The following MYT1L variants were observed in gnomAD, a reference collection of about 807,000 sequenced individuals.
MYT1L encodes the protein myelin transcription factor 1 like.
In MYT1L, 12 loss-of-function variants were observed where a neutral mutation model predicts 126.7. That is an observed-to-expected ratio of 0.09 (90% CI 0.06 to 0.15). MYT1L has a LOEUF of 0.15. Ranked by LOEUF, MYT1L falls within the 10% of genes least tolerant of loss-of-function variation. MYT1L has a pLI of 1.00. For synonymous variants in MYT1L, 541 were observed against 604.2 expected, an observed-to-expected ratio of 0.90 and a Z score of 1.53; for missense variants, 979 against 1,585.2, an observed-to-expected ratio of 0.62 and a Z score of 6.49.
intron 5 of MYT1L, among the ~76,000 whole-genome samples, chr2:1,981,187 T>C (rs2060583635): frequency 6.6e-6 from 1 of 152,212 alleles, no homozygotes; most frequent in Non-Finnish European, 1.5e-5. Context: ...CCAGCAGCTA[T>C]TTATTGATGA....
intron 3 of MYT1L, among the ~76,000 whole-genome samples, chr2:2,165,909 A>C (rs921812244): frequency 6.6e-6 from 1 of 151,526 alleles, no homozygotes; most frequent in African/African-American, 2.4e-5. Flanking sequence ...TTGTAAAAAA[A>C]TAAAATCTTT....
Position 2,217,685 on chromosome 2 carries a change from C to CAA in MYT1L, c.-420-44699_-420-44698dup, listed in dbSNP as rs1167910803. Among the ~76,000 whole-genome samples, 19 of 79,652 alleles carry CAA rather than the reference C, an allele frequency of 2.4e-4. 1 individual carries two copies. Among genetic ancestry groups the CAA allele is most frequent in the Middle Eastern group, 6.0e-3 (1 of 168 alleles). The allele number at this position is 79,652 out of a possible 152,430, so 52.3% of individuals were successfully genotyped here. A position where few individuals can be genotyped will look rare whatever the true frequency, so the allele number is the denominator to read the frequency against. On this transcript the variant is annotated intron_variant, in intron 2 of 24. Coordinates refer to ENST00000647738, the MANE Select transcript of MYT1L (RefSeq NM_001303052.2). ...AACTCCATCTCAACAACAACAACAACAACAACAACAACAACAACAACAAAA... is the reference window on the plus strand; with the variant it reads ...AACTCCATCTCAACAACAACAACAACAAAACAACAACAACAACAACAACAAAA...
intron 3 of MYT1L, among the ~76,000 whole-genome samples, chr2:2,149,561 T>C (rs1234665261): frequency 6.6e-6 from 1 of 152,198 alleles, no homozygotes; most frequent in Non-Finnish European, 1.5e-5. Flanking sequence ...GTTCCCTTAC[T>C]CAAAGTCTGT....
At chr2:2,186,699 A>G (rs1559276254) in intron 2 of MYT1L, among the ~76,000 whole-genome samples, 1 of 152,172 alleles carries the variant, frequency 6.6e-6, no homozygotes, top group Non-Finnish European at 1.5e-5. Flanking sequence ...TCTTGACCCA[A>G]TTTTTGCATA....
chr2:1,876,418 G>T (rs1386364119), intron 18 of MYT1L, among the ~76,000 whole-genome samples: 1 of 151,958 alleles, frequency 6.6e-6, no homozygotes, highest in Admixed American at 6.5e-5. Context: ...CAGGCCCCCA[G>T]AGCACCCCCA....
At chr2:2,152,412 T>C (rs183679174) in intron 3 of MYT1L, among the ~76,000 whole-genome samples, 7 of 152,258 alleles carry the variant, frequency 4.6e-5, no homozygotes, top group Admixed American at 4.6e-4. Context: ...CTGTGGTGAG[T>C]AGTTGAAACC....
chr2:2,181,207 C>A (rs1323862711), intron 2 of MYT1L, among the ~76,000 whole-genome samples: 1 of 149,362 alleles, frequency 6.7e-6, no homozygotes, highest in Non-Finnish European at 1.5e-5. Context: ...GTGCCGTGTA[C>A]CTGTGTTTGT....
chr2:1,836,530 C>T lies in MYT1L; in HGVS notation c.3080+2619G>A, dbSNP rs138365686. On this transcript the variant is annotated intron_variant, in intron 21 of 24. Coordinates refer to ENST00000647738, the MANE Select transcript of MYT1L (RefSeq NM_001303052.2). ...CTGCACCCAATATTCCATCAGCCTG[C>T]GCTCCAATATTCCATCAGCCTGTGC... 8.1e-5 allele frequency among the ~76,000 whole-genome samples: 12 copies of T among 147,480 alleles called. No individual in the cohort carries two copies. The South Asian group carries it at 8.9e-4, about 11-fold the overall frequency.
At chr2:1,931,372 A>G (rs1335164276) in intron 9 of MYT1L, among the ~76,000 whole-genome samples, 1 of 150,738 alleles carries the variant, frequency 6.6e-6, no homozygotes, top group African/African-American at 2.5e-5. Flanking sequence ...TACTTCCTCC[A>G]CCCTCAGCGA....
At chr2:1,881,014 C>T (rs191328202) in intron 18 of MYT1L, among the ~76,000 whole-genome samples, 3 of 152,280 alleles carry the variant, frequency 2.0e-5, no homozygotes, top group East Asian at 1.9e-4. Context: ...TAAAGGTTCT[C>T]GATGTGGTGG....
chr2:1,897,747 G>A (rs893440427), intron 14 of MYT1L, among the ~76,000 whole-genome samples: 2 of 152,178 alleles, frequency 1.3e-5, no homozygotes, highest in African/African-American at 4.8e-5. Context: ...ACAGGCATAA[G>A]CCACCACGCC....
At chr2:2,322,500 C>T (rs1233827922) in intron 1 of MYT1L, among the ~76,000 whole-genome samples, 5 of 151,926 alleles carry the variant, frequency 3.3e-5, no homozygotes, top group Admixed American at 6.6e-5. Flanking sequence ...TGTCTTTGCC[C>T]GTGAGCCTGC....
chr2:1,917,442 C>T lies in MYT1L; in HGVS notation c.1484-103G>A. On this transcript the variant is annotated intron_variant, in intron 10 of 24. Transcript: ENST00000647738. The surrounding 1 kb of genome is among the most constrained non-coding windows in gnomAD (Gnocchi z 5.9). ...AACCTTGCTAAAGAAAGAAATAAAGCAGGTGTCGGGGGCTAGGCTGTGACA... is the reference window on the plus strand; with the variant it reads ...AACCTTGCTAAAGAAAGAAATAAAGTAGGTGTCGGGGGCTAGGCTGTGACA... 4 of 1,410,784 alleles carry T rather than the reference C, an allele frequency of 2.8e-6. No homozygotes were observed. Among genetic ancestry groups the T allele is most frequent in the Non-Finnish European group, 2.9e-6 (3 of 1,036,162 alleles). The allele number at this position is 1,410,784 out of a possible 1,614,324, so 87.4% of individuals were successfully genotyped here.
rs1316244826 is a variant in MYT1L at position 1,968,672 on chromosome 2, C to A, written c.152+10493G>T. Among the ~76,000 whole-genome samples, 11 of 152,158 alleles carry A rather than the reference C, an allele frequency of 7.2e-5. 1 individual carries two copies. The highest frequency in any genetic ancestry group is 7.2e-4 in the Admixed American group (11 of 15,276). On this transcript the variant is annotated intron_variant, in intron 8 of 24. Coordinates refer to ENST00000647738, the MANE Select transcript of MYT1L (RefSeq NM_001303052.2). The stretch of plus-strand genomic sequence containing the variant: ...AGGCTCACACAGAGCCTGCCAGGCC[C>A]CCAGGCAGTCCTTTCTGAATAAGGG...
At chr2:2,269,288 C>T (rs749344628) in intron 2 of MYT1L, among the ~76,000 whole-genome samples, 44 of 152,206 alleles carry the variant, frequency 2.9e-4, no homozygotes, top group Non-Finnish European at 5.0e-4. Context: ...ACAGAAGCTT[C>T]TGTATTCTCA....
chr2:2,113,706 T>A (rs554018823), intron 3 of MYT1L, among the ~76,000 whole-genome samples: 1 of 152,310 alleles, frequency 6.6e-6, no homozygotes, highest in African/African-American at 2.4e-5. Context: ...CAAAAAGTTA[T>A]GAAAACATTA....
rs1182111723 is a variant in MYT1L at position 1,889,717 on chromosome 2, T to A, written c.2284-240A>T. ...ATCCAGGCATCCATCCCGCCATCCC[T>A]CTCTCCCTCCCTCCCTCCATTTCCC... On this transcript the variant is annotated intron_variant, in intron 15 of 24. Transcript: ENST00000647738. This position sits in a 1 kb window ranked among gnomAD's most constrained non-coding sequence, Gnocchi z 4.1. 6.6e-6 allele frequency among the ~76,000 whole-genome samples: 1 copy of A among 152,114 alleles called. No individual in the cohort carries two copies. Among genetic ancestry groups the A allele is most frequent in the East Asian group, 1.9e-4 (1 of 5,178 alleles).
intron 2 of MYT1L, among the ~76,000 whole-genome samples, chr2:2,201,525 C>A (rs2093071644): frequency 1.3e-5 from 2 of 152,070 alleles, no homozygotes; most frequent in South Asian, 2.1e-4. Flanking sequence ...CAGTGAAACC[C>A]TGTCTCTACT....
chr2:2,238,920 C>A (rs1386199532), intron 2 of MYT1L, among the ~76,000 whole-genome samples: 1 of 152,102 alleles, frequency 6.6e-6, no homozygotes, highest in African/African-American at 2.4e-5. Context: ...GTAGCAGGTG[C>A]CAGGGTGGGT....
Sources: gnomAD v4.1 joint callset for allele counts (sites outside exome capture counted in the v4.1 genomes callset) on GRCh38, gnomAD v4.1.1 for gene constraint, Gnocchi (gnomAD v3.1) non-coding constraint, MANE v1.5 for transcripts, NCBI Gene and HGNC (gene_info 2026-07-23, HGNC 2026-07-21) for gene names.